Variants in THOC7 observed in about 807,000 individuals in gnomAD.
THOC7 encodes the protein NIF3L1-binding protein 1.
A neutral mutation model predicts 33.1 loss-of-function variants in THOC7; 22 were observed. The observed-to-expected ratio is 0.66, with a 90% CI of 0.47 to 0.95. The LOEUF (loss-of-function observed/expected upper bound fraction) is 0.95. Ranked by LOEUF, THOC7 falls within the 40% of genes least tolerant of loss-of-function variation. The pLI is 0.00. For missense variants in THOC7, 184 were observed against 245.3 expected (o/e 0.75, Z 1.67); for synonymous variants, 77 against 76.8 (o/e 1.00, Z -0.01).
chr3:63,855,232 C>T (rs537330492), intron 1 of THOC7, among the ~76,000 whole-genome samples: 1 of 152,152 alleles, frequency 6.6e-6, no homozygotes, highest in African/African-American at 2.4e-5. Flanking sequence ...AATTCTAGAA[C>T]TTATGACTTC....
chr3:63,841,377 G>A (rs574319653), intron 1 of THOC7, among the ~76,000 whole-genome samples: 1 of 152,232 alleles, frequency 6.6e-6, no homozygotes, highest in African/African-American at 2.4e-5. Flanking sequence ...GGGGTTTTCT[G>A]TTTTGTTTTT....
At chr3:63,847,034 G>C (rs1335653708) in intron 1 of THOC7, among the ~76,000 whole-genome samples, 1 of 152,062 alleles carries the variant, frequency 6.6e-6, no homozygotes, top group Admixed American at 6.6e-5. Context: ...ACTAGTAGGA[G>C]GGCTAGAACG....
At chr3:63,855,079 A>G (rs1702090127) in intron 1 of THOC7, among the ~76,000 whole-genome samples, 1 of 152,206 alleles carries the variant, frequency 6.6e-6, no homozygotes, top group Non-Finnish European at 1.5e-5. Context: ...ATATGACCAC[A>G]CATTGTCTAG....
chr3:63,834,183 T>G lies in THOC7; in HGVS notation c.564A>C (p.Ser188=). Residue 188 remains serine, a synonymous_variant, in exon 8 of 8, where the codon TCA becomes TCC. Coordinates refer to ENST00000295899, the MANE Select transcript of THOC7 (RefSeq NM_025075.4). ...TTGCTTCCTGAGCTTCTTCTACCTCTGAGAGTTTTTCATCATCTGTAATTG... is the reference window on the plus strand; with the variant it reads ...TTGCTTCCTGAGCTTCTTCTACCTCGGAGAGTTTTTCATCATCTGTAATTG... The part of the protein sequence containing the change: ...QQTLENDEKL[S]EVEEAQEASM... 3 of 1,614,082 alleles carry G rather than the reference T, an allele frequency of 1.9e-6. No individual in the cohort carries two copies. Among genetic ancestry groups the G allele is most frequent in the Non-Finnish European group, 1.7e-6 (2 of 1,180,000 alleles).
At chr3:63,863,387 T>A in intron 1 of THOC7, 1 of 1,005,102 alleles carries the variant, frequency 9.9e-7, no homozygotes, top group Non-Finnish European at 1.2e-6. Context: ...TCCTGGGTCC[T>A]CACCGCGCCC....
At chr3:63,838,970 C>T (rs1302635504) in intron 2 of THOC7, among the ~76,000 whole-genome samples, 1 of 152,162 alleles carries the variant, frequency 6.6e-6, no homozygotes, top group African/African-American at 2.4e-5. Context: ...GTGGGCAGAT[C>T]ACTTAATGCT....
intron 1 of THOC7, among the ~76,000 whole-genome samples, chr3:63,853,240 G>A (rs1343300142): frequency 1.3e-5 from 2 of 151,880 alleles, no homozygotes; most frequent in Non-Finnish European, 2.9e-5. Context: ...AAAAACAGGG[G>A]CCAATGCCAA....
Position 63,837,893 on chromosome 3 carries a change from T to C in THOC7, c.352+83A>G. ...AATCCAGGTTGATTCAGGCTGCAGA[T>C]TTTACCTCACAACATTAAAAACTGC... On this transcript the variant is annotated intron_variant, in intron 4 of 7. Coordinates refer to ENST00000295899, the MANE Select transcript of THOC7 (RefSeq NM_025075.4). 7.0e-6 allele frequency: 9 copies of C among 1,280,850 alleles called. No individual in the cohort carries two copies. In the South Asian group the frequency reaches 1.2e-4, roughly 17 times the overall value. 79.3% of individuals were successfully genotyped at this position (1,280,850 alleles called of 1,614,324 possible).
At position 63,833,872 on chromosome 3, in the gene THOC7, C is replaced by A; in HGVS notation, c.*260G>T. On this transcript the variant is annotated 3_prime_UTR_variant, in exon 8 of 8. Transcript: ENST00000295899. The stretch of plus-strand genomic sequence containing the variant: ...GAATATTAATGAGCACAAACATATG[C>A]AGCTTAAAAGCATTTTATTAAGCAT... 2.7e-6 allele frequency: 1 copy of A among 368,588 alleles called. No homozygotes were observed. The allele number at this position is 368,588 out of a possible 1,614,324, so 22.8% of individuals were successfully genotyped here.
At chr3:63,863,410 G>C in intron 1 of THOC7, 1 of 1,065,984 alleles carries the variant, frequency 9.4e-7, no homozygotes, top group Non-Finnish European at 1.1e-6. Context: ...AGACAAACCC[G>C]GACTCCCTCT....
chr3:63,851,470 C>T (rs914429802), intron 1 of THOC7, among the ~76,000 whole-genome samples: 1 of 152,146 alleles, frequency 6.6e-6, no homozygotes, highest in Non-Finnish European at 1.5e-5. Flanking sequence ...AATGGAGTCA[C>T]CCATGCTAAA....
intron 1 of THOC7, among the ~76,000 whole-genome samples, chr3:63,848,955 G>A (rs1701965017): frequency 6.6e-6 from 1 of 152,166 alleles, no homozygotes; most frequent in Non-Finnish European, 1.5e-5. Flanking sequence ...CTATTTGTTA[G>A]TACTGTTATT....
intron 1 of THOC7, 102 bp downstream of exon 1, chr3:63,863,661 AGAGGCCGGG>A (rs1702297991): frequency 8.2e-7 from 1 of 1,222,940 alleles, no homozygotes; most frequent in Non-Finnish European, 1.0e-6. Context: ...GCTCTGGCGA[AGAGGCCGGG>A]GAGGCCGAGG....
intron 2 of THOC7, 112 bp downstream of exon 2, chr3:63,839,544 C>G: frequency 3.4e-6 from 3 of 871,588 alleles, no homozygotes; most frequent in Non-Finnish European, 5.7e-6. Context: ...TAAGAGTTGA[C>G]TCCACTGTAC....
intron 3 of THOC7, 45 bp downstream of exon 3, chr3:63,838,327 A>G: frequency 7.6e-7 from 1 of 1,313,932 alleles, no homozygotes; most frequent in Non-Finnish European, 1.1e-6. Flanking sequence ...TTTCCTTTAG[A>G]CCATAAAAAA....
chr3:63,856,872 C>T (rs1375679421), intron 1 of THOC7, among the ~76,000 whole-genome samples: 1 of 152,124 alleles, frequency 6.6e-6, no homozygotes, highest in Non-Finnish European at 1.5e-5. Flanking sequence ...CGCCCGCTAC[C>T]ACGCCCAGCT....
At chr3:63,863,747 CGT>C in intron 1 of THOC7, 23 bp downstream of exon 1, 1 of 1,249,874 alleles carries the variant, frequency 8.0e-7, no homozygotes, top group Non-Finnish European at 1.0e-6. Context: ...GCAGCGGGCG[CGT>C]GTGGCGGCGA....
At chr3:63,841,473 T>A (rs954408167) in intron 1 of THOC7, among the ~76,000 whole-genome samples, 3 of 152,180 alleles carry the variant, frequency 2.0e-5, no homozygotes, top group Non-Finnish European at 2.9e-5. Context: ...AACAGCAAAA[T>A]CTTTAAACAA....
chr3:63,845,823 G>A (rs1021717161), intron 1 of THOC7, among the ~76,000 whole-genome samples: 1 of 152,088 alleles, frequency 6.6e-6, no homozygotes, highest in African/African-American at 2.4e-5. Flanking sequence ...CCTTTTTTGT[G>A]TATAAGGTTT....
Sources: allele counts gnomAD v4.1 joint callset (sites outside exome capture counted in the v4.1 genomes callset), GRCh38; gene constraint gnomAD v4.1.1; transcripts MANE v1.5; gene names NCBI Gene and HGNC (gene_info 2026-07-23, HGNC 2026-07-21).